KLHL4: variants seen among roughly 807,000 people sequenced by gnomAD.
KLHL4 encodes kelch-like protein 4.
A neutral mutation model predicts 45.8 loss-of-function variants in KLHL4; 17 were observed. The ratio of observed to expected loss-of-function variants is 0.37; its 90% confidence interval spans 0.25 to 0.56. The LOEUF is 0.56. Among genes scored for constraint, KLHL4 ranks in the 20% least tolerant of loss-of-function variants. The probability of loss-of-function intolerance (pLI) is 0.79; values close to 1 mark genes in which losing one functional copy is unlikely to be tolerated. For synonymous variants in KLHL4, 224 were observed against 189.9 expected, an observed-to-expected ratio of 1.18 and a Z score of -1.47; for missense variants, 544 against 544.9, an observed-to-expected ratio of 1.00 and a Z score of 0.02.
chrX:87,632,198 T>A lies in KLHL4; in HGVS notation c.1325-12T>A, dbSNP rs1923116957. 2 of 1,051,024 alleles carry A rather than the reference T, an allele frequency of 1.9e-6. No individual in the cohort carries two copies. The highest frequency in any genetic ancestry group is 1.3e-6 in the Non-Finnish European group (1 of 756,369). The allele number at this position is 1,051,024 out of a possible 1,213,427, so 86.6% of individuals were successfully genotyped here. On this transcript the variant is annotated splice_polypyrimidine_tract_variant and intron_variant, in intron 6 of 10. Coordinates refer to ENST00000373119, the MANE Select transcript of KLHL4 (RefSeq NM_019117.5). ...AAGTAGATTTTACCGTTGTTCAATA[T>A]CCCTTTGTCAGGTACTACTACTATT...
intron 1 of KLHL4, among the ~76,000 whole-genome samples, chrX:87,593,538 G>C (rs1184417828): frequency 1.8e-5 from 2 of 111,123 alleles, no homozygotes; most frequent in Non-Finnish European, 3.8e-5. Context: ...GAATTTCTTT[G>C]GGTCTTTTTT....
At chrX:87,659,959 A>AGT (rs113545604) in intron 9 of KLHL4, among the ~76,000 whole-genome samples, 2,955 of 103,238 alleles carry the variant, frequency 0.029, 37 homozygotes, top group South Asian at 0.049. Flanking sequence ...TGCGCGTATG[A>AGT]GTGTGTGTGT....
intron 9 of KLHL4, among the ~76,000 whole-genome samples, chrX:87,638,781 G>GA (rs1052301103): frequency 8.1e-5 from 9 of 110,797 alleles, no homozygotes; most frequent in African/African-American, 2.6e-4. Context: ...CAATAACAGT[G>GA]AAAAAAATAC....
chrX:87,605,157 T>C lies in KLHL4; in HGVS notation c.423-8720T>C, dbSNP rs575973213. 9.8e-5 allele frequency among the ~76,000 whole-genome samples: 11 copies of C among 111,926 alleles called. No homozygotes were observed. In the South Asian group the frequency reaches 2.9e-3, roughly 30 times the overall value. ...TAATACCAATATCATACTTTGTTGA[T>C]TACTATAGTCTTGTAATATACTTTG... On this transcript the variant is annotated intron_variant, in intron 1 of 10. Transcript: ENST00000373119.
At chrX:87,622,974 A>T (rs1363587902) in intron 5 of KLHL4, among the ~76,000 whole-genome samples, 1 of 111,981 alleles carries the variant, frequency 8.9e-6, no homozygotes, top group East Asian at 2.8e-4. Context: ...GGTTAACTCA[A>T]CTCATACTGA....
chrX:87,536,707 G>A (rs1472201985), intron 1 of KLHL4, among the ~76,000 whole-genome samples: 1 of 110,496 alleles, frequency 9.1e-6, no homozygotes, highest in East Asian at 2.8e-4. Flanking sequence ...ACAGGGCTAT[G>A]TGAATATTAG....
intron 10 of KLHL4, among the ~76,000 whole-genome samples, chrX:87,665,488 G>A (rs1271374270): frequency 3.6e-5 from 4 of 111,014 alleles, no homozygotes; most frequent in Non-Finnish European, 7.5e-5. Flanking sequence ...CCTCTCAAAA[G>A]TGCTGGGCAT....
At chrX:87,629,774 AC>A (rs1297304620) in intron 6 of KLHL4, among the ~76,000 whole-genome samples, 1 of 111,816 alleles carries the variant, frequency 8.9e-6, no homozygotes, top group African/African-American at 3.2e-5. Flanking sequence ...GAATTGGAAA[AC>A]ATTCAGAGAA....
In KLHL4 at chrX:87,664,747, T is replaced by C. The variant is rs764931194; in HGVS notation, c.1926-17T>C. On this transcript the variant is annotated splice_polypyrimidine_tract_variant and intron_variant, in intron 9 of 10. Transcript: ENST00000373119. ...TATTGGACTTTTCCTCCCAATTATCTTTCTAAATCCTTTAAGGTATGATCC... is the reference window on the plus strand; with the variant it reads ...TATTGGACTTTTCCTCCCAATTATCCTTCTAAATCCTTTAAGGTATGATCC... The C allele has an allele frequency of 4.3e-6, 5 of 1,156,567 alleles. No homozygotes were observed. The South Asian group carries it at 5.9e-5, about 14-fold the overall frequency.
At position 87,600,346 on chromosome X, in the gene KLHL4, T is replaced by C. The variant is rs774115241; in HGVS notation, c.423-13531T>C. ...AAAATACAAAAAAATTAGCCGGGCGTGGTGGCGGGCACCTGTAGTCCCAGC... is the reference window on the plus strand; with the variant it reads ...AAAATACAAAAAAATTAGCCGGGCGCGGTGGCGGGCACCTGTAGTCCCAGC... On this transcript the variant is annotated intron_variant, in intron 1 of 10. Coordinates refer to ENST00000373119, the MANE Select transcript of KLHL4 (RefSeq NM_019117.5). Among the ~76,000 whole-genome samples the C allele has an allele frequency of 4.5e-5, 5 of 110,724 alleles. No homozygotes were observed. The South Asian group carries it at 1.2e-3, about 26-fold the overall frequency.
At chrX:87,583,062 T>A in intron 1 of KLHL4, among the ~76,000 whole-genome samples, 1 of 111,521 alleles carries the variant, frequency 9.0e-6, no homozygotes, top group Non-Finnish European at 1.9e-5. Flanking sequence ...ATAATCCCCT[T>A]GCTAACTACA....
intron 1 of KLHL4, among the ~76,000 whole-genome samples, chrX:87,546,802 C>T (rs1037946610): frequency 8.9e-6 from 1 of 112,818 alleles, no homozygotes; most frequent in Non-Finnish European, 1.9e-5. Context: ...GGATGTGAGA[C>T]AGGGAGTCAA....
chrX:87,539,295 T>G (rs1056018358), intron 1 of KLHL4, among the ~76,000 whole-genome samples: 2 of 109,250 alleles, frequency 1.8e-5, no homozygotes, highest in Non-Finnish European at 3.8e-5. Flanking sequence ...CATAAAACTG[T>G]TTTTTTTCCT....
At chrX:87,623,150 TAAA>T (rs752423536) in intron 5 of KLHL4, among the ~76,000 whole-genome samples, 3 of 111,421 alleles carry the variant, frequency 2.7e-5, no homozygotes, top group African/African-American at 9.8e-5. Flanking sequence ...TCATCCAAAT[TAAA>T]AACAGAGACG....
chrX:87,578,018 T>G (rs1921152054), intron 1 of KLHL4, among the ~76,000 whole-genome samples: 1 of 111,401 alleles, frequency 9.0e-6, no homozygotes, highest in Non-Finnish European at 1.9e-5. Context: ...TTACAAAAAT[T>G]TATATCTCTG....
chrX:87,656,512 A>G (rs2080850570), intron 9 of KLHL4, among the ~76,000 whole-genome samples: 1 of 108,151 alleles, frequency 9.2e-6, no homozygotes, highest in Admixed American at 1.0e-4. Flanking sequence ...TCCTTCAATG[A>G]ATTTTCCTTT....
intron 4 of KLHL4, among the ~76,000 whole-genome samples, chrX:87,619,896 A>G (rs1303679754): frequency 8.9e-6 from 1 of 111,943 alleles, no homozygotes; most frequent in Non-Finnish European, 1.9e-5. Context: ...ATAGTTTAAT[A>G]ATGCAAATAA....
intron 9 of KLHL4, among the ~76,000 whole-genome samples, chrX:87,655,706 C>T (rs1364909844): frequency 2.7e-5 from 3 of 111,289 alleles, no homozygotes; most frequent in African/African-American, 9.8e-5. Context: ...CACATGAGGT[C>T]TTATTCCTGT....
At chrX:87,655,990 C>A (rs1923978761) in intron 9 of KLHL4, among the ~76,000 whole-genome samples, 1 of 111,567 alleles carries the variant, frequency 9.0e-6, no homozygotes, top group Non-Finnish European at 1.9e-5. Flanking sequence ...CAGCTTTTTT[C>A]CTTAAATGGC....
Sources: allele counts gnomAD v4.1 joint callset (sites outside exome capture counted in the v4.1 genomes callset), GRCh38; gene constraint gnomAD v4.1.1; transcripts MANE v1.5; gene names NCBI Gene and HGNC (gene_info 2026-07-23, HGNC 2026-07-21).